Variants in BPTF observed in about 807,000 individuals in gnomAD.
BPTF encodes nucleosome-remodeling factor subunit BPTF.
In BPTF, 18 loss-of-function variants were observed where a neutral mutation model predicts 292.5. The observed-to-expected ratio is 0.06, with a 90% CI of 0.04 to 0.09. The LOEUF is 0.09. BPTF is among the 10% of genes least tolerant of loss of function. The pLI, the probability that BPTF is intolerant of heterozygous loss-of-function variation, is 1.00. For missense variants in BPTF, 2,726 were observed against 3,498.7 expected (o/e 0.78, Z 5.57); for synonymous variants, 1,225 against 1,251.9 (o/e 0.98, Z 0.45).
At position 67,959,717 on chromosome 17, in the gene BPTF, G is replaced by T. The variant is rs138334328; in HGVS notation, c.8103G>T (p.Thr2701=). Residue 2701 remains threonine, a synonymous_variant, in exon 24 of 28, where the codon ACG becomes ACT. Transcript: ENST00000306378. Reference sequence around the variant, plus strand: ...TGCAACACACAGGCCTTCTGTCCACGCCCACCTTACCTGCTGCTTCCCAGA... The same window carrying T: ...TGCAACACACAGGCCTTCTGTCCACTCCCACCTTACCTGCTGCTTCCCAGA... The part of the protein sequence containing the change: ...PAVQHTGLLS[T]PTLPAASQKR... 5 of 1,582,602 alleles carry T rather than the reference G, an allele frequency of 3.2e-6. No individual in the cohort carries two copies. The highest frequency in any genetic ancestry group is 3.4e-6 in the Non-Finnish European group (4 of 1,168,068).
chr17:67,905,560 T>C (rs2062125577), intron 9 of BPTF, among the ~76,000 whole-genome samples: 1 of 151,584 alleles, frequency 6.6e-6, no homozygotes, highest in African/African-American at 2.4e-5. Context: ...GTTTTAAAAA[T>C]TAGCCAGGTG....
intron 4 of BPTF, chr17:67,875,793 C>CT: frequency 7.3e-7 from 1 of 1,369,696 alleles, no homozygotes; most frequent in Non-Finnish European, 9.5e-7. Flanking sequence ...GAATCCTTCC[C>CT]TTTTGTAGTA....
intron 24 of BPTF, among the ~76,000 whole-genome samples, chr17:67,962,242 A>G (rs1555684526): frequency 6.6e-6 from 1 of 152,226 alleles, no homozygotes; most frequent in Non-Finnish European, 1.5e-5. Flanking sequence ...GACGACTTCC[A>G]TTCCTCTAGG....
At position 67,911,933 on chromosome 17, in the gene BPTF, C is replaced by T. The variant is rs746386939; in HGVS notation, c.4049C>T (p.Pro1350Leu). The change falls in exon 11 of 28, where the codon CCG (proline) becomes CTG (leucine). Residue 1350 changes from proline to leucine, a missense_variant. By Grantham distance (98) the Pro-to-Leu change is moderately conservative. Transcript: ENST00000306378. ...ESTGNCEDRL[P>L]VKGTEANGKK... ...ACTGGAAACTGTGAGGACAGGCTGC[C>T]GGTCAAGGGGACTGAAGCAAATGGT... is the stretch of plus-strand genomic sequence containing the variant. The T allele has an allele frequency of 3.7e-5, 60 of 1,613,720 alleles. No homozygotes were observed. The highest frequency in any genetic ancestry group is 6.7e-5 in the African/African-American group (5 of 74,828).
At chr17:67,837,093 A>T (rs1320649853) in intron 1 of BPTF, among the ~76,000 whole-genome samples, 1 of 152,214 alleles carries the variant, frequency 6.6e-6, no homozygotes, top group Non-Finnish European at 1.5e-5. Flanking sequence ...TTACATGCTC[A>T]GGTTAGGACC....
intron 2 of BPTF, among the ~76,000 whole-genome samples, chr17:67,864,781 C>T (rs570998749): frequency 1.3e-5 from 2 of 151,968 alleles, no homozygotes; most frequent in South Asian, 2.1e-4. Context: ...TTATACTTAC[C>T]AGTTGATCAT....
chr17:67,923,000 T>G lies in BPTF; in HGVS notation c.5708+10T>G, dbSNP rs1186545835. On this transcript the variant is annotated intron_variant, in intron 14 of 27. Coordinates refer to ENST00000306378, the MANE Select transcript of BPTF (RefSeq NM_182641.4). ...GGGCATTTGCTGAGAGGTAAGGAAA[T>G]GGTTAATACCTGGTCAGCTATTTGA... is the stretch of plus-strand genomic sequence containing the variant. 6.2e-7 allele frequency: 1 copy of G among 1,610,326 alleles called. No homozygotes were observed. The highest frequency in any genetic ancestry group is 1.7e-5 in the Admixed American group (1 of 58,932).
chr17:67,874,119 C>T (rs2059918177), intron 3 of BPTF, among the ~76,000 whole-genome samples: 1 of 152,134 alleles, frequency 6.6e-6, no homozygotes, highest in South Asian at 2.1e-4. Context: ...GATAGTATTG[C>T]ATGATAACCC....
chr17:67,899,257 G>A (rs555873076), intron 7 of BPTF, among the ~76,000 whole-genome samples: 1 of 152,290 alleles, frequency 6.6e-6, no homozygotes, highest in African/African-American at 2.4e-5. Context: ...TCCAAAAGCA[G>A]GAAGTACAGA....
At chr17:67,887,046 G>A (rs1335861399) in intron 4 of BPTF, among the ~76,000 whole-genome samples, 7 of 152,194 alleles carry the variant, frequency 4.6e-5, no homozygotes, top group Non-Finnish European at 1.0e-4. Context: ...TTAAAAAACA[G>A]TGATGGCTAC....
intron 24 of BPTF, among the ~76,000 whole-genome samples, chr17:67,962,908 C>G (rs1180429890): frequency 5.3e-5 from 8 of 152,190 alleles, no homozygotes; most frequent in Admixed American, 1.3e-4. Context: ...ATTTTCAAAC[C>G]TATCTAAGAA....
chr17:67,826,574 T>TCG (rs2056066948), intron 1 of BPTF, among the ~76,000 whole-genome samples: 7 of 89,448 alleles, frequency 7.8e-5, no homozygotes, highest in Admixed American at 1.4e-4. Flanking sequence ...ACTCGCTCGC[T>TCG]CTCTCTCCCC....
intron 3 of BPTF, among the ~76,000 whole-genome samples, chr17:67,868,628 G>A (rs529950234): frequency 9.2e-5 from 14 of 152,210 alleles, no homozygotes; most frequent in Non-Finnish European, 2.1e-4. Flanking sequence ...GATTCTGAAA[G>A]TACACTTTTA....
intron 26 of BPTF, among the ~76,000 whole-genome samples, chr17:67,967,199 T>C (rs1171322715): frequency 4.0e-5 from 6 of 150,800 alleles, no homozygotes; most frequent in African/African-American, 1.5e-4. Flanking sequence ...TGGAGTGTAC[T>C]AGCGCGATCT....
At chr17:67,836,110 C>G (rs2144116531) in intron 1 of BPTF, among the ~76,000 whole-genome samples, 1 of 152,290 alleles carries the variant, frequency 6.6e-6, no homozygotes, top group South Asian at 2.1e-4. Flanking sequence ...GATATGCAAA[C>G]TGAATTGCGA....
rs183822037 is a variant in BPTF at position 67,920,191 on chromosome 17, A to G, written c.5557+48A>G. ...TTCATGATTAACCTGTTAACCATGT[A>G]TTTTATGAATTGAAATTTGATATAA... On this transcript the variant is annotated intron_variant, in intron 13 of 27. Transcript: ENST00000306378. 270 of 1,547,470 alleles carry G rather than the reference A, an allele frequency of 1.7e-4. No homozygotes were observed. In the Middle Eastern group the frequency reaches 1.9e-3, roughly 11 times the overall value.
intron 2 of BPTF, among the ~76,000 whole-genome samples, chr17:67,857,411 C>T (rs548622886): frequency 6.6e-5 from 10 of 151,164 alleles, no homozygotes; most frequent in East Asian, 1.9e-4. Context: ...CTGTCTGCCT[C>T]GGCCTCCCAA....
At chr17:67,973,500 C>T (rs1212071477) in intron 26 of BPTF, among the ~76,000 whole-genome samples, 4 of 151,744 alleles carry the variant, frequency 2.6e-5, no homozygotes, top group Non-Finnish European at 4.4e-5. Flanking sequence ...TGCCCCAAAC[C>T]CTTTTTTTGT....
At position 67,826,006 on chromosome 17, in the gene BPTF, G is replaced by T; in HGVS notation, c.282G>T (p.Gly94=). Residue 94 remains glycine (G), a synonymous_variant, in exon 1 of 28, where the codon GGG becomes GGT. Coordinates refer to ENST00000306378, the MANE Select transcript of BPTF (RefSeq NM_182641.4). Reference sequence around the variant, plus strand: ...GCACCAGCGCCCCGGGCCGGGGGGGGCGAGGAGGCGGGGGCGGCAGGACGG... The same window carrying T: ...GCACCAGCGCCCCGGGCCGGGGGGGTCGAGGAGGCGGGGGCGGCAGGACGG... The part of the protein sequence containing the change: ...PPSTSAPGRG[G]RGGGGGRTGG... 8.6e-7 allele frequency: 1 copy of T among 1,165,874 alleles called. No individual in the cohort carries two copies. Among genetic ancestry groups the T allele is most frequent in the Non-Finnish European group, 1.1e-6 (1 of 943,756 alleles). The allele number at this position is 1,165,874 out of a possible 1,614,324, so 72.2% of individuals were successfully genotyped here. A position where few individuals can be genotyped will look rare whatever the true frequency, so the allele number is the denominator to read the frequency against.
Sources: allele counts gnomAD v4.1 joint callset (sites outside exome capture counted in the v4.1 genomes callset), GRCh38; gene constraint gnomAD v4.1.1; transcripts MANE v1.5; gene names NCBI Gene and HGNC (gene_info 2026-07-23, HGNC 2026-07-21).